Variants in CTNNA3 observed in about 807,000 individuals in gnomAD.
The protein encoded by CTNNA3 is catenin alpha-3.
CTNNA3 carries 76 observed loss-of-function variants against 95.7 expected under a neutral mutation model. The observed-to-expected ratio is 0.79, with a 90% CI of 0.66 to 0.96. The LOEUF (loss-of-function observed/expected upper bound fraction) is 0.96. Ranked by LOEUF, CTNNA3 falls within the 40% of genes least tolerant of loss-of-function variation. The pLI is 0.00. For missense variants in CTNNA3, 1,191 were observed against 1,089.8 expected, an observed-to-expected ratio of 1.09 and a Z score of -1.31; for synonymous variants, 431 against 374.4, an observed-to-expected ratio of 1.15 and a Z score of -1.74.
In CTNNA3 at chr10:66,092,465, C is replaced by T. The variant is rs575552495; in HGVS notation, c.1977+10692G>A. The stretch of plus-strand genomic sequence containing the variant: ...AGGCCTCCCTTTTAGTTTCAGACTT[C>T]TATTACTGCTCACTTCACCAACATT... On this transcript the variant is annotated intron_variant, in intron 14 of 17. Transcript: ENST00000433211. Among the ~76,000 whole-genome samples, 3 of 152,028 alleles carry T rather than the reference C, an allele frequency of 2.0e-5. No individual in the cohort carries two copies. The South Asian group carries it at 6.2e-4, about 32-fold the overall frequency.
At chr10:67,023,635 G>A (rs1853167164) in intron 7 of CTNNA3, among the ~76,000 whole-genome samples, 2 of 152,120 alleles carry the variant, frequency 1.3e-5, no homozygotes. Context: ...GCTAATTCCT[G>A]TCTCTATACT....
chr10:67,279,672 G>A lies in CTNNA3; in HGVS notation c.580-59802C>T, dbSNP rs145529810. 4.9e-3 allele frequency among the ~76,000 whole-genome samples: 732 copies of A among 150,422 alleles called. 44 individuals are homozygous for A. The highest frequency in any genetic ancestry group is 0.017 in the African/African-American group (691 of 40,624). On this transcript the variant is annotated intron_variant, in intron 5 of 17. Transcript: ENST00000433211. ...TCTGCTTAGGAACAAAAGGAAAGGC[G>A]GCTGACTCAGCCTTCAGCTTAACTT...
At chr10:66,356,424 AT>A (rs2092611061) in intron 12 of CTNNA3, among the ~76,000 whole-genome samples, 1 of 151,480 alleles carries the variant, frequency 6.6e-6, no homozygotes, top group Non-Finnish European at 1.5e-5. Flanking sequence ...TTTTTTTTAG[AT>A]TTATACTTAC....
chr10:66,357,903 T>G (rs1172111702), intron 12 of CTNNA3, among the ~76,000 whole-genome samples: 1 of 152,156 alleles, frequency 6.6e-6, no homozygotes, highest in East Asian at 1.9e-4. Context: ...CTATTTTGTA[T>G]TCCCACCAGC....
intron 12 of CTNNA3, among the ~76,000 whole-genome samples, chr10:66,331,371 TG>T (rs1488277817): frequency 3.2e-4 from 24 of 74,908 alleles, no homozygotes; most frequent in Non-Finnish European, 5.1e-4. Flanking sequence ...TTTTTTTTTT[TG>T]AGACGGAGTT....
At chr10:67,717,864 G>C (rs989018046) in intron 1 of CTNNA3, among the ~76,000 whole-genome samples, 1 of 152,164 alleles carries the variant, frequency 6.6e-6, no homozygotes, top group African/African-American at 2.4e-5. Context: ...GAAAGTCAGT[G>C]GTAGCTTGAT....
chr10:67,023,382 C>T (rs1406407840), intron 7 of CTNNA3, among the ~76,000 whole-genome samples: 2 of 152,046 alleles, frequency 1.3e-5, no homozygotes, highest in African/African-American at 4.8e-5. Context: ...TCAAGAACTT[C>T]AGGAAAGAAG....
At chr10:66,007,804 TCC>T (rs2078927043) in intron 15 of CTNNA3, among the ~76,000 whole-genome samples, 4 of 77,144 alleles carry the variant, frequency 5.2e-5, no homozygotes, top group African/African-American at 1.3e-4. Flanking sequence ...CCTTCCTTCC[TCC>T]CTCGCTCCCT....
chr10:67,380,737 C>T (rs1240734718), intron 5 of CTNNA3, among the ~76,000 whole-genome samples: 1 of 152,110 alleles, frequency 6.6e-6, no homozygotes, highest in Non-Finnish European at 1.5e-5. Context: ...AAGTGGAGGC[C>T]AGAGACTGGT....
chr10:67,018,632 G>A (rs1174973773), intron 7 of CTNNA3, among the ~76,000 whole-genome samples: 1 of 152,206 alleles, frequency 6.6e-6, no homozygotes, highest in Non-Finnish European at 1.5e-5. Context: ...ATGCCTGGGT[G>A]TGAATCCTGA....
At chr10:66,883,623 G>A (rs1844928088) in intron 7 of CTNNA3, among the ~76,000 whole-genome samples, 1 of 152,084 alleles carries the variant, frequency 6.6e-6, no homozygotes, top group South Asian at 2.1e-4. Context: ...ATTAAAGTGA[G>A]TGTTATAAAA....
intron 13 of CTNNA3, among the ~76,000 whole-genome samples, chr10:66,122,149 A>C (rs1018529936): frequency 6.6e-6 from 1 of 151,840 alleles, no homozygotes; most frequent in African/African-American, 2.4e-5. Flanking sequence ...AGAGATGAAA[A>C]CTCTAAGAAA....
At chr10:66,928,425 T>C in intron 7 of CTNNA3, 1 of 1,610,886 alleles carries the variant, frequency 6.2e-7, no homozygotes, top group Non-Finnish European at 8.5e-7. Flanking sequence ...CCTGCACCTA[T>C]AACAAATCGG....
At chr10:66,265,696 T>A (rs958013605) in intron 13 of CTNNA3, among the ~76,000 whole-genome samples, 8 of 151,992 alleles carry the variant, frequency 5.3e-5, no homozygotes, top group Non-Finnish European at 1.0e-4. Flanking sequence ...GCTGCCACAC[T>A]CTTATCCTTA....
At chr10:66,397,545 G>C (rs74141474) in intron 11 of CTNNA3, among the ~76,000 whole-genome samples, 1 of 151,522 alleles carries the variant, frequency 6.6e-6, no homozygotes, top group Non-Finnish European at 1.5e-5. Context: ...ATTGAATAAT[G>C]ATATATTCAT....
chr10:66,344,407 C>A (rs1339189725), intron 12 of CTNNA3, among the ~76,000 whole-genome samples: 1 of 151,406 alleles, frequency 6.6e-6, no homozygotes, highest in Non-Finnish European at 1.5e-5. Context: ...GCTGGGATTA[C>A]AGGCATGTGC....
At chr10:66,711,482 C>T (rs1356373172) in intron 9 of CTNNA3, among the ~76,000 whole-genome samples, 1 of 151,980 alleles carries the variant, frequency 6.6e-6, no homozygotes, top group East Asian at 1.9e-4. Context: ...CTTCCTTGTG[C>T]TTCTCTGTGT....
chr10:66,262,059 CAAAA>C (rs954285119), intron 13 of CTNNA3, among the ~76,000 whole-genome samples: 14 of 150,960 alleles, frequency 9.3e-5, no homozygotes, highest in Non-Finnish European at 1.6e-4. Context: ...ACATATTGGG[CAAAA>C]AAAACCTATT....
intron 11 of CTNNA3, among the ~76,000 whole-genome samples, chr10:66,489,613 CAA>C (rs1839853704): frequency 1.3e-5 from 2 of 152,308 alleles, no homozygotes; most frequent in Non-Finnish European, 2.9e-5. Context: ...CACACACACA[CAA>C]ACACACACAG....
Sources: allele counts gnomAD v4.1 joint callset (sites outside exome capture counted in the v4.1 genomes callset), GRCh38; gene constraint gnomAD v4.1.1; transcripts MANE v1.5; gene names NCBI Gene and HGNC (gene_info 2026-07-23, HGNC 2026-07-21).